The following TMEM255B variants were observed in gnomAD, a reference collection of about 807,000 sequenced individuals.
The protein encoded by TMEM255B is transmembrane protein 255B.
A neutral mutation model predicts 34.5 loss-of-function variants in TMEM255B; 35 were observed. The observed-to-expected ratio is 1.01, with a 90% confidence interval of 0.77 to 1.34. TMEM255B has a LOEUF of 1.34. Ranked by LOEUF, TMEM255B falls within the 40% of genes most tolerant of loss-of-function variation. The pLI is 0.00. For missense variants in TMEM255B, 432 were observed against 433.2 expected, an observed-to-expected ratio of 1.00 and a Z score of 0.02; for synonymous variants, 206 against 201.2, an observed-to-expected ratio of 1.02 and a Z score of -0.20.
At chr13:113,765,391 G>A (rs896534377) in intron 1 of TMEM255B, among the ~76,000 whole-genome samples, 8 of 152,302 alleles carry the variant, frequency 5.3e-5, no homozygotes, top group South Asian at 2.1e-4. Flanking sequence ...CTTCAGATGC[G>A]GACCTTCTAG....
chr13:113,780,464 A>T (rs1279128491), intron 3 of TMEM255B, among the ~76,000 whole-genome samples: 1 of 152,250 alleles, frequency 6.6e-6, no homozygotes, highest in Non-Finnish European at 1.5e-5. Flanking sequence ...TGCTCATGGG[A>T]GTATACTAAA....
At chr13:113,795,754 ACAC>A (rs2050915396) in intron 4 of TMEM255B, among the ~76,000 whole-genome samples, 1 of 142,918 alleles carries the variant, frequency 7.0e-6, no homozygotes, top group Non-Finnish European at 1.5e-5. Flanking sequence ...CACAGCACAC[ACAC>A]AACAGAGCAC....
rs2050457602 is a variant in TMEM255B at position 113,770,321 on chromosome 13, G to GC, written c.252+1167dup. Among the ~76,000 whole-genome samples, 1 of 152,100 alleles carries GC rather than the reference G, an allele frequency of 6.6e-6. No individual in the cohort carries two copies. Among genetic ancestry groups the GC allele is most frequent in the Non-Finnish European group, 1.5e-5 (1 of 68,028 alleles). On this transcript the variant is annotated intron_variant, in intron 3 of 8. Transcript: ENST00000375353. The surrounding 1 kb of genome is among the most constrained non-coding windows in gnomAD (Gnocchi z 4.6). ...CATGAGAACAGCACAGGAAAGATCT[G>GC]CCCCCCATGATTCAACTGCCTTCCA...
At chr13:113,765,078 C>A (rs866053372) in intron 1 of TMEM255B, among the ~76,000 whole-genome samples, 1 of 152,096 alleles carries the variant, frequency 6.6e-6, no homozygotes, top group Admixed American at 6.5e-5. Flanking sequence ...AGGTAAAAAG[C>A]GATTTAGGAT....
chr13:113,804,862 C>G (rs567001860), intron 7 of TMEM255B, 23 bp from the exon 8 acceptor site: 4 of 1,583,986 alleles, frequency 2.5e-6, no homozygotes, highest in Non-Finnish European at 3.4e-6. Context: ...ACACGCCGAC[C>G]ACCCGTCTCC....
At chr13:113,804,676 C>T (rs1192296643) in intron 7 of TMEM255B, among the ~76,000 whole-genome samples, 2 of 128,000 alleles carry the variant, frequency 1.6e-5, no homozygotes, top group East Asian at 2.6e-4. Context: ...TGGGTATAAA[C>T]GCACGCCGGG....
chr13:113,795,216 CG>C lies in TMEM255B; in HGVS notation c.322del (p.Val108TyrfsTer46), dbSNP rs776374931. 7.4e-6 allele frequency: 12 copies of C among 1,613,612 alleles called. No individual in the cohort carries two copies. In the African/African-American group the frequency reaches 1.5e-4, roughly 20 times the overall value. ...AAFCCAIVDG[V>X]FAAQHIEPRP... is the part of the protein sequence containing the mutation. ...CCTTCTGCTGCGCCATCGTGGACGGCGTATTTGCAGCACAGCACATTGTGAG... is the reference window on the plus strand; with the variant it reads ...CCTTCTGCTGCGCCATCGTGGACGGCTATTTGCAGCACAGCACATTGTGAG... On this transcript the variant is annotated frameshift_variant, in exon 4 of 9. Coordinates refer to ENST00000375353, the MANE Select transcript of TMEM255B (RefSeq NM_182614.4). LOFTEE classifies it high-confidence loss of function.
rs1566342443 is a variant in TMEM255B, at chr13:113,813,000, T to TGGGTCACGGGC, written c.*1097_*1098insGGGTCACGGGC. 43 of 106,788 alleles carry TGGGTCACGGGC rather than the reference T, an allele frequency of 4.0e-4. 3 individuals are homozygous for TGGGTCACGGGC. The highest frequency in any genetic ancestry group is 2.3e-3 in the African/African-American group (41 of 17,458). 6.6% of individuals were successfully genotyped at this position (106,788 alleles called of 1,614,324 possible). A position where few individuals can be genotyped will look rare whatever the true frequency, so the allele number is the denominator to read the frequency against. ...TCACGGGTCCCGGGTGGGTCACGGG[T>TGGGTCACGGGC]CCCGAGTGGGTCACGGGTCCCGGGT... On this transcript the variant is annotated 3_prime_UTR_variant, in exon 9 of 9. Transcript: ENST00000375353.
chr13:113,761,936 C>T (rs370517278), intron 1 of TMEM255B, among the ~76,000 whole-genome samples: 10 of 152,136 alleles, frequency 6.6e-5, no homozygotes, highest in African/African-American at 9.7e-5. Flanking sequence ...ATTAAATGGC[C>T]GCCCAAGACC....
At position 113,806,245 on chromosome 13, in the gene TMEM255B, G is replaced by T. The variant is rs1165065779; in HGVS notation, c.813+1217G>T. On this transcript the variant is annotated intron_variant, in intron 8 of 8. Coordinates refer to ENST00000375353, the MANE Select transcript of TMEM255B (RefSeq NM_182614.4). The surrounding 1 kb of genome is among the most constrained non-coding windows in gnomAD (Gnocchi z 4.2). ...GGGGACCTGCACCAGGGACCCCGAG[G>T]AGGGAGCAGGAACCAGCACTCATGG... is the stretch of plus-strand genomic sequence containing the variant. Among the ~76,000 whole-genome samples the T allele has an allele frequency of 2.0e-5, 3 of 152,080 alleles. No individual in the cohort carries two copies. Among genetic ancestry groups the T allele is most frequent in the Non-Finnish European group, 4.4e-5 (3 of 67,986 alleles).
intron 3 of TMEM255B, among the ~76,000 whole-genome samples, chr13:113,774,675 C>CACA (rs1202189187): frequency 1.5e-4 from 22 of 144,202 alleles, no homozygotes; most frequent in African/African-American, 5.8e-4. Flanking sequence ...ACACATATGA[C>CACA]ACACACACCA....
At chr13:113,793,464 G>C (rs150168912) in intron 3 of TMEM255B, among the ~76,000 whole-genome samples, 1,536 of 150,590 alleles carry the variant, frequency 0.01, 21 homozygotes, top group South Asian at 0.042. Flanking sequence ...GCCGGTCTGG[G>C]ACCCACCTGA....
chr13:113,766,423 A>C (rs773460221), intron 2 of TMEM255B, 166 bp downstream of exon 2: 2 of 979,352 alleles, frequency 2.0e-6, no homozygotes, highest in Middle Eastern at 2.0e-4. Flanking sequence ...GCACTTCCCA[A>C]TCCCCAGGAC....
intron 3 of TMEM255B, among the ~76,000 whole-genome samples, chr13:113,790,816 G>A (rs9635145): frequency 0.1 from 7,838 of 76,760 alleles, 825 homozygotes; most frequent in East Asian, 0.3. Flanking sequence ...TGAACTGACT[G>A]GACACATGGA....
chr13:113,759,301 T>C lies in TMEM255B; in HGVS notation c.32T>C (p.Leu11Pro). Residue 11 changes from leucine (L) to proline (P), a missense_variant, in exon 1 of 9, where the codon CTG becomes CCG. Leu to Pro is a moderately conservative substitution (Grantham distance 98). Transcript: ENST00000375353. ...CCGCCGGTGCCCGGGCCCCTGGGCCTGCTGGACCCCGCAGGTGAGCGCGGG... is the reference window on the plus strand; with the variant it reads ...CCGCCGGTGCCCGGGCCCCTGGGCCCGCTGGACCCCGCAGGTGAGCGCGGG... MQPPVPGPLG[L>P]LDPAEGLSRR... 5 of 1,229,398 alleles carry C rather than the reference T, an allele frequency of 4.1e-6. No homozygotes were observed. The highest frequency in any genetic ancestry group is 5.1e-6 in the Non-Finnish European group (5 of 986,454). 76.2% of individuals were successfully genotyped at this position (1,229,398 alleles called of 1,614,324 possible).
intron 3 of TMEM255B, among the ~76,000 whole-genome samples, chr13:113,778,281 A>C (rs7400267): frequency 0.41 from 62,526 of 152,104 alleles, 14,175 homozygotes; most frequent in East Asian, 0.72. Flanking sequence ...TCTCCCAGCA[A>C]GATGAGAGTC....
chr13:113,769,044 A>C lies in TMEM255B; in HGVS notation c.190-54A>C. ...ATTATTTGCTTTAAATGTCAGTGTT[A>C]AGCTTCTAGGCACGTTAATGAGTGT... On this transcript the variant is annotated intron_variant, in intron 2 of 8. Coordinates refer to ENST00000375353, the MANE Select transcript of TMEM255B (RefSeq NM_182614.4). This position sits in a 1 kb window ranked among gnomAD's most constrained non-coding sequence, Gnocchi z 4.2. 1 of 1,595,998 alleles carries C rather than the reference A, an allele frequency of 6.3e-7. No homozygotes were observed. Among genetic ancestry groups the C allele is most frequent in the Non-Finnish European group, 8.6e-7 (1 of 1,163,868 alleles).
At chr13:113,800,003 C>T (rs1018815900) in intron 5 of TMEM255B, 1 of 1,245,638 alleles carries the variant, frequency 8.0e-7, no homozygotes, top group Non-Finnish European at 1.0e-6. Context: ...GCTGGAGGCC[C>T]TCTCAGTGGC....
At position 113,770,254 on chromosome 13, in the gene TMEM255B, C is replaced by T. The variant is rs1322009153; in HGVS notation, c.252+1094C>T. ...GACAGAGCCTGTGCAGGGAAACTCC[C>T]CCTTGTAATAACCATCAGATCTTGT... On this transcript the variant is annotated intron_variant, in intron 3 of 8. Transcript: ENST00000375353. This position sits in a 1 kb window ranked among gnomAD's most constrained non-coding sequence, Gnocchi z 4.6. Among the ~76,000 whole-genome samples, 1 of 152,108 alleles carries T rather than the reference C, an allele frequency of 6.6e-6. No homozygotes were observed. Among genetic ancestry groups the T allele is most frequent in the African/African-American group, 2.4e-5 (1 of 41,402 alleles).
Sources: gnomAD v4.1 joint callset for allele counts (sites outside exome capture counted in the v4.1 genomes callset) on GRCh38, gnomAD v4.1.1 for gene constraint, Gnocchi (gnomAD v3.1) non-coding constraint, MANE v1.5 for transcripts, NCBI Gene and HGNC (gene_info 2026-07-23, HGNC 2026-07-21) for gene names.